The following FAM110B variants were observed in gnomAD, a reference collection of about 807,000 sequenced individuals.
FAM110B encodes family with sequence similarity 110 member B, also known as protein FAM110B.
A neutral mutation model predicts 20.4 loss-of-function variants in FAM110B; 6 were observed. That is an observed-to-expected ratio of 0.29 (90% confidence interval 0.16 to 0.58). The LOEUF is 0.58. Among genes scored for constraint, FAM110B ranks in the 20% least tolerant of loss-of-function variants. The pLI, the probability that FAM110B is intolerant of heterozygous loss-of-function variation, is 0.90. For missense variants in FAM110B, 434 were observed against 498.2 expected (o/e 0.87, Z 1.23); for synonymous variants, 226 against 214.1 (o/e 1.06, Z -0.49).
At chr8:58,059,192 A>G (rs1805607515) in intron 2 of FAM110B, among the ~76,000 whole-genome samples, 1 of 152,284 alleles carries the variant, frequency 6.6e-6, no homozygotes, top group Middle Eastern at 3.4e-3. Context: ...TCTTCTGTGA[A>G]TGGATATTTG....
intron 1 of FAM110B, among the ~76,000 whole-genome samples, chr8:58,009,127 G>A (rs1804475331): frequency 1.3e-5 from 2 of 152,216 alleles, no homozygotes; most frequent in Non-Finnish European, 2.9e-5. Context: ...GACTTGATAG[G>A]GGGACGTAAG....
chr8:58,029,961 C>T (rs1411760198), intron 1 of FAM110B, among the ~76,000 whole-genome samples: 5 of 152,048 alleles, frequency 3.3e-5, no homozygotes, highest in Admixed American at 3.3e-4. Context: ...TTTCTCCCTT[C>T]AAAAGTGTGA....
chr8:58,122,171 C>CA (rs960547707), intron 3 of FAM110B, among the ~76,000 whole-genome samples: 1 of 152,096 alleles, frequency 6.6e-6, no homozygotes, highest in Non-Finnish European at 1.5e-5. Flanking sequence ...ATTTTGAAGA[C>CA]ATTAAATGCT....
At chr8:58,047,096 G>A (rs1476282500) in intron 2 of FAM110B, among the ~76,000 whole-genome samples, 1 of 152,100 alleles carries the variant, frequency 6.6e-6, no homozygotes, top group Non-Finnish European at 1.5e-5. Flanking sequence ...ATTTCCAAAC[G>A]ATATTGAAAA....
At chr8:58,095,922 C>T (rs1034913513) in intron 3 of FAM110B, among the ~76,000 whole-genome samples, 39 of 152,060 alleles carry the variant, frequency 2.6e-4, no homozygotes, top group Middle Eastern at 3.2e-3. Flanking sequence ...TCTGGATGCT[C>T]CTGTATTGTG....
At chr8:58,108,786 T>C (rs531647048) in intron 3 of FAM110B, among the ~76,000 whole-genome samples, 10 of 152,194 alleles carry the variant, frequency 6.6e-5, no homozygotes, top group Non-Finnish European at 1.3e-4. Context: ...CACTTTTCCA[T>C]GTTGTGAACC....
chr8:58,112,914 T>C (rs1179676979), intron 3 of FAM110B, among the ~76,000 whole-genome samples: 1 of 152,220 alleles, frequency 6.6e-6, no homozygotes, highest in African/African-American at 2.4e-5. Context: ...CAGACATTTA[T>C]TTCCCACAGT....
At chr8:58,086,114 T>G (rs769214540) in intron 3 of FAM110B, among the ~76,000 whole-genome samples, 2 of 152,188 alleles carry the variant, frequency 1.3e-5, no homozygotes, top group Non-Finnish European at 2.9e-5. Flanking sequence ...ATCACCTATG[T>G]ACAGTGGTCA....
At chr8:58,020,662 T>A (rs988956679) in intron 1 of FAM110B, among the ~76,000 whole-genome samples, 1 of 152,334 alleles carries the variant, frequency 6.6e-6, no homozygotes, top group African/African-American at 2.4e-5. Context: ...ATCATCAGAG[T>A]ATATGGGCTA....
At chr8:58,129,785 C>T (rs1803405769) in intron 3 of FAM110B, among the ~76,000 whole-genome samples, 1 of 152,240 alleles carries the variant, frequency 6.6e-6, no homozygotes, top group South Asian at 2.1e-4. Context: ...GCCCCGCATC[C>T]TGCTCCTTCT....
Position 58,055,186 on chromosome 8 carries a change from C to T in FAM110B, c.-413-20349C>T, listed in dbSNP as rs149404297. ...AGTGGAGCTTACCTTGTCACTGCGG[C>T]GAGTTAGCAGTGGGGTCAGAGAGCA... On this transcript the variant is annotated intron_variant, in intron 2 of 3. Coordinates refer to ENST00000519262, the MANE Select transcript of FAM110B (RefSeq NM_001377989.1). Among the ~76,000 whole-genome samples, 33 of 152,196 alleles carry T rather than the reference C, an allele frequency of 2.2e-4. No individual in the cohort carries two copies. In the East Asian group the frequency reaches 6.0e-3, roughly 28 times the overall value.
chr8:58,058,302 T>C (rs73236452), intron 2 of FAM110B, among the ~76,000 whole-genome samples: 9,282 of 150,640 alleles, frequency 0.062, 402 homozygotes, highest in African/African-American at 0.11. Context: ...GATGCTTAGC[T>C]GTGAGTTTAA....
intron 1 of FAM110B, among the ~76,000 whole-genome samples, chr8:58,014,106 G>A (rs13253778): frequency 0.35 from 53,700 of 151,894 alleles, 10,119 homozygotes; most frequent in African/African-American, 0.47. Context: ...CTAAATTGGC[G>A]TAACCCATGT....
chr8:58,028,348 C>T (rs1277156534), intron 1 of FAM110B, among the ~76,000 whole-genome samples: 1 of 152,164 alleles, frequency 6.6e-6, no homozygotes, highest in African/African-American at 2.4e-5. Context: ...CAGGTGATCC[C>T]GCCCACCTCG....
chr8:58,141,414 G>C (rs999847068), intron 3 of FAM110B, among the ~76,000 whole-genome samples: 3 of 152,162 alleles, frequency 2.0e-5, no homozygotes, highest in Admixed American at 6.5e-5. Context: ...TGTTTTTATA[G>C]ATAAGAAAAT....
intron 3 of FAM110B, among the ~76,000 whole-genome samples, chr8:58,134,583 A>G (rs983262206): frequency 3.3e-5 from 5 of 152,260 alleles, no homozygotes; most frequent in African/African-American, 1.2e-4. Context: ...AACATTTGAA[A>G]TAATGCCTAC....
chr8:58,060,551 T>C (rs557220536), intron 2 of FAM110B, among the ~76,000 whole-genome samples: 1 of 152,306 alleles, frequency 6.6e-6, no homozygotes, highest in Middle Eastern at 3.4e-3. Flanking sequence ...TTTCGTATTA[T>C]TTTTCTTGGT....
At chr8:58,034,628 C>G (rs1805037080) in intron 2 of FAM110B, among the ~76,000 whole-genome samples, 1 of 152,108 alleles carries the variant, frequency 6.6e-6, no homozygotes. Context: ...ACGATAGTGC[C>G]CAGATCATAG....
intron 3 of FAM110B, among the ~76,000 whole-genome samples, chr8:58,095,156 G>T (rs1563368085): frequency 6.6e-6 from 1 of 152,094 alleles, no homozygotes; most frequent in African/African-American, 2.4e-5. Flanking sequence ...AGTCTGGCTA[G>T]TGGTCTATCT....
Sources: allele counts gnomAD v4.1 joint callset (sites outside exome capture counted in the v4.1 genomes callset), GRCh38; gene constraint gnomAD v4.1.1; transcripts MANE v1.5; gene names NCBI Gene and HGNC (gene_info 2026-07-23, HGNC 2026-07-21).